Variants in SAXO4 observed in about 807,000 individuals in gnomAD.
The protein encoded by SAXO4 is stabilizer of axonemal microtubules 4, also known as protein phosphatase 1 regulatory subunit 32.
At chr11:61,482,906 T>G in the SAXO4 span, 3 of 1,296,734 alleles carry the variant, frequency 2.3e-6, no homozygotes, top group Non-Finnish European at 2.1e-6. Flanking sequence ...TGACAGGGCA[T>G]GGAGCAGCCA....
At chr11:61,489,484 C>T in the SAXO4 span, 1 of 571,046 alleles carries the variant, frequency 1.8e-6, no homozygotes. Flanking sequence ...AAGTTAAGTG[C>T]CTAGAGAAGT....
the SAXO4 span, chr11:61,489,734 A>C: frequency 6.3e-7 from 1 of 1,599,440 alleles, no homozygotes; most frequent in Non-Finnish European, 8.6e-7. Context: ...GGGGTTGCAG[A>C]GGTGGGCAGA....
At chr11:61,487,287 G>A in the SAXO4 span, 2 of 1,479,086 alleles carry the variant, frequency 1.4e-6, no homozygotes, top group Non-Finnish European at 1.9e-6. Flanking sequence ...TTGAGAAACA[G>A]ACTGAGACTG....
chr11:61,489,532 C>A, the SAXO4 span: 1 of 583,780 alleles, frequency 1.7e-6, no homozygotes, highest in Admixed American at 3.2e-5. Context: ...TACTGGCAGG[C>A]CAGGGACAGG....
the SAXO4 span, among the ~76,000 whole-genome samples, chr11:61,488,343 C>T: frequency 1.5e-5 from 2 of 136,810 alleles, no homozygotes; most frequent in African/African-American, 5.4e-5. Context: ...CTCTCTCTGT[C>T]GTCCAGGCTG....
the SAXO4 span, chr11:61,486,347 C>T: frequency 1.1e-5 from 17 of 1,613,714 alleles, no homozygotes; most frequent in Admixed American, 2.8e-4. Flanking sequence ...TTTCCAGGCC[C>T]TCCTCCCAGG....
chr11:61,483,745 G>T, the SAXO4 span, among the ~76,000 whole-genome samples: 2 of 151,840 alleles, frequency 1.3e-5, no homozygotes, highest in Non-Finnish European at 2.9e-5. Flanking sequence ...ATCACTTGAG[G>T]TCAGGAGTTT....
the SAXO4 span, chr11:61,489,481 G>C: frequency 1.8e-6 from 1 of 562,626 alleles, no homozygotes; most frequent in Non-Finnish European, 3.1e-6. Flanking sequence ...GGAAAGTTAA[G>C]TGCCTAGAGA....
the SAXO4 span, chr11:61,490,917 C>T: frequency 1.0e-4 from 33 of 326,986 alleles, 1 homozygote; most frequent in Non-Finnish European, 1.4e-4. Flanking sequence ...AAATAAAGAG[C>T]ATTGAAGCAG....
chr11:61,485,641 G>A, the SAXO4 span, among the ~76,000 whole-genome samples: 4 of 152,156 alleles, frequency 2.6e-5, no homozygotes, highest in African/African-American at 9.7e-5. Context: ...CCTCCGGCCT[G>A]GACTCTGGAA....
At chr11:61,487,152 A>T in the SAXO4 span, 2 of 1,613,828 alleles carry the variant, frequency 1.2e-6, no homozygotes, top group Admixed American at 1.7e-5. Context: ...GCAGGAGCCC[A>T]CAGGGTTCAG....
At chr11:61,484,553 A>T in the SAXO4 span, 3 of 1,103,858 alleles carry the variant, frequency 2.7e-6, no homozygotes, top group Non-Finnish European at 3.9e-6. Context: ...CAGAGAGGGG[A>T]CATGCAGGTT....
chr11:61,487,880 C>T, the SAXO4 span, among the ~76,000 whole-genome samples: 6 of 152,120 alleles, frequency 3.9e-5, no homozygotes, highest in Non-Finnish European at 8.8e-5. Context: ...TCAGGGAGGG[C>T]TTCCAGGAAG....
At chr11:61,487,424 G>A in the SAXO4 span, among the ~76,000 whole-genome samples, 1 of 152,174 alleles carries the variant, frequency 6.6e-6, no homozygotes, top group African/African-American at 2.4e-5. Flanking sequence ...TAGGCGTGTG[G>A]GAGTGGAGAA....
the SAXO4 span, chr11:61,485,693 A>T: frequency 1.2e-6 from 1 of 865,764 alleles, no homozygotes; most frequent in Non-Finnish European, 1.9e-6. Flanking sequence ...GCAGGTCTCC[A>T]GGATCTTGGG....
the SAXO4 span, chr11:61,490,691 C>A: frequency 2.0e-6 from 2 of 1,009,108 alleles, no homozygotes; most frequent in South Asian, 2.7e-5. Context: ...TGCCTGGGGA[C>A]CCCCCTTCCA....
At chr11:61,485,230 A>T in the SAXO4 span, 1 of 969,080 alleles carries the variant, frequency 1.0e-6, no homozygotes, top group Non-Finnish European at 1.6e-6. Context: ...ACTGGCCCAC[A>T]CAGGCTTCCT....
the SAXO4 span, chr11:61,489,542 G>A: frequency 1.7e-6 from 1 of 590,754 alleles, no homozygotes; most frequent in South Asian, 2.0e-5. Flanking sequence ...CCAGGGACAG[G>A]GGCATCACTG....
At chr11:61,489,755 C>T in the SAXO4 span, 3,829 of 1,613,294 alleles carry the variant, frequency 2.4e-3, 97 homozygotes, top group African/African-American at 0.044. Context: ...GTCCAGCTTC[C>T]AGCCAAGGAC....
Sources: allele counts gnomAD v4.1 joint callset (sites outside exome capture counted in the v4.1 genomes callset), GRCh38; gene constraint gnomAD v4.1.1; transcripts MANE v1.5; gene names NCBI Gene and HGNC (gene_info 2026-07-23, HGNC 2026-07-21).